Variants in PIEZO1 observed in about 807,000 individuals in gnomAD.
The protein encoded by PIEZO1 is piezo type mechanosensitive ion channel component 1 (Er blood group).
Under a neutral mutation model 297.2 loss-of-function variants are expected in PIEZO1, and 296 were observed. The ratio of observed to expected loss-of-function variants is 1.00; its 90% confidence interval spans 0.91 to 1.10. PIEZO1 has a LOEUF of 1.10. Ranked by LOEUF, PIEZO1 falls within the 50% of genes least tolerant of loss-of-function variation. The pLI is 0.00. For synonymous variants in PIEZO1, 2,427 were observed against 1,507.5 expected (o/e 1.61, Z -14.13); for missense variants, 5,018 against 3,455.5 (o/e 1.45, Z -11.34).
chr16:88,735,082 G>T, intron 13 of PIEZO1, 29 bp from the exon 14 acceptor site: 1 of 1,549,976 alleles, frequency 6.5e-7, no homozygotes, highest in Non-Finnish European at 8.7e-7. Context: ...GCAGGCGATG[G>T]CATCAGGGCG....
chr16:88,774,635 C>G (rs1907575380), intron 1 of PIEZO1, among the ~76,000 whole-genome samples: 2 of 152,142 alleles, frequency 1.3e-5, no homozygotes, highest in African/African-American at 2.4e-5. Flanking sequence ...AAAAGGAAGC[C>G]GGCAATCCCG....
In PIEZO1 at chr16:88,724,991, C is replaced by G. The variant is rs778887008; in HGVS notation, c.4234+18G>C. 7.0e-6 allele frequency: 10 copies of G among 1,438,796 alleles called. No homozygotes were observed. The highest frequency in any genetic ancestry group is 9.2e-6 in the Non-Finnish European group (10 of 1,089,640). The allele number at this position is 1,438,796 out of a possible 1,614,324, so 89.1% of individuals were successfully genotyped here. A position where few individuals can be genotyped will look rare whatever the true frequency, so the allele number is the denominator to read the frequency against. Reference sequence around the variant, plus strand: ...GAGGGCCTGAGAGGGTGGCCACAGGCGGCCTAATTGGGGGTACCTGTGGCG... The same window carrying G: ...GAGGGCCTGAGAGGGTGGCCACAGGGGGCCTAATTGGGGGTACCTGTGGCG... On this transcript the variant is annotated intron_variant, in intron 30 of 50. Transcript: ENST00000301015.
chr16:88,747,225 C>T (rs1906107599), intron 2 of PIEZO1, among the ~76,000 whole-genome samples: 1 of 149,890 alleles, frequency 6.7e-6, no homozygotes, highest in South Asian at 2.1e-4. Flanking sequence ...AGCAAGACCC[C>T]CACTCGAAAA....
At chr16:88,784,148 G>C (rs925192494) in intron 1 of PIEZO1, among the ~76,000 whole-genome samples, 1 of 152,222 alleles carries the variant, frequency 6.6e-6, no homozygotes, top group Non-Finnish European at 1.5e-5. Flanking sequence ...ACCACTGCCC[G>C]GCAAGCAGGG....
In PIEZO1 at chr16:88,721,225, C is replaced by T. The variant is rs573846907; in HGVS notation, c.5609G>A (p.Ser1870Asn). The T allele has an allele frequency of 3.9e-6, 6 of 1,538,274 alleles. No individual in the cohort carries two copies. The highest frequency in any genetic ancestry group is 2.7e-5 in the African/African-American group (2 of 72,948). Residue 1870 changes from serine (S) to asparagine (N), a missense_variant, in exon 39 of 51, where the codon AGT (serine) becomes AAT (asparagine). By Grantham distance (46) the Ser-to-Asn change is conservative (BLOSUM62 1). Coordinates refer to ENST00000301015, the MANE Select transcript of PIEZO1 (RefSeq NM_001142864.4). Reference sequence around the variant, plus strand: ...CTTCTTCCTTCTTCTAAAACGTAGACTGATGCGCCTCGTATCACGGGGCCT... The same window carrying T: ...CTTCTTCCTTCTTCTAAAACGTAGATTGATGCGCCTCGTATCACGGGGCCT... Reference protein sequence around the residue: ...ELRPRDTRRISLRFRRRKKEG... With the variant: ...ELRPRDTRRINLRFRRRKKEG...
chr16:88,755,960 G>A (rs1447101387), intron 1 of PIEZO1, among the ~76,000 whole-genome samples: 1 of 152,202 alleles, frequency 6.6e-6, no homozygotes, highest in Non-Finnish European at 1.5e-5. Context: ...TCGGAGCGGG[G>A]AGGGCGGGGG....
intron 2 of PIEZO1, chr16:88,743,954 G>T (rs185400072): frequency 3.5e-6 from 1 of 282,948 alleles, no homozygotes; most frequent in Admixed American, 4.6e-5. Context: ...ACACGAACAG[G>T]AGCCACCACC....
chr16:88,721,505 A>T (rs1473374546), intron 38 of PIEZO1, 33 bp downstream of exon 38: 2 of 1,540,244 alleles, frequency 1.3e-6, no homozygotes, highest in Admixed American at 4.0e-5. Flanking sequence ...GGGCCTGCCC[A>T]GCCCCGCATT....
At chr16:88,735,284 C>T (rs545498413) in intron 12 of PIEZO1, 38 bp from the exon 13 acceptor site, 3 of 1,410,606 alleles carry the variant, frequency 2.1e-6, no homozygotes, top group African/African-American at 2.9e-5. Flanking sequence ...AGCCGGGGGG[C>T]CCAGCACCCC....
chr16:88,761,419 A>T (rs1906926549), intron 1 of PIEZO1, among the ~76,000 whole-genome samples: 1 of 152,192 alleles, frequency 6.6e-6, no homozygotes, highest in South Asian at 2.1e-4. Context: ...AGTGACTTGC[A>T]GGGCACGATG....
chr16:88,732,802 C>G (rs371137397), intron 19 of PIEZO1, 70 bp from the exon 20 acceptor site: 2 of 1,410,580 alleles, frequency 1.4e-6, no homozygotes, highest in African/African-American at 2.9e-5. Flanking sequence ...CGGAGCCCAC[C>G]ACAGCCACAG....
rs1905419503 is a variant in PIEZO1 at position 88,738,593 on chromosome 16, C to T, written c.609G>A (p.Leu203=). 4.6e-6 allele frequency: 7 copies of T among 1,535,408 alleles called. No homozygotes were observed. The highest frequency in any genetic ancestry group is 1.7e-6 in the Non-Finnish European group (2 of 1,146,692). Residue 203 remains leucine, a synonymous_variant, in exon 6 of 51, where the codon CTG becomes CTA. Coordinates refer to ENST00000301015, the MANE Select transcript of PIEZO1 (RefSeq NM_001142864.4). The part of the protein sequence containing the change: ...HWLLVAAGRV[L]AVTLLALAGI... The stretch of plus-strand genomic sequence containing the variant: ...CTGCCAGTGCAAGCAGTGTTACGGC[C>T]AGGACCCGCCCAGCCGCCACCAGCA...
rs905035716 is a variant in PIEZO1 at position 88,734,730 on chromosome 16, C to T, written c.1917G>A (p.Leu639=). ...GGAAGGTGTAGACGGCGATGAGGAC[C>T]AGCATGGTGTAGGCCACCACGAGCC... is the stretch of plus-strand genomic sequence containing the variant. ...FWWLVVAYTM[L]VLIAVYTFQF... is the part of the protein sequence containing the mutation. Residue 639 remains leucine, a synonymous_variant, in exon 15 of 51, where the codon CTG becomes CTA. Transcript: ENST00000301015. 1 of 1,550,212 alleles carries T rather than the reference C, an allele frequency of 6.5e-7. No individual in the cohort carries two copies. Among genetic ancestry groups the T allele is most frequent in the East Asian group, 2.4e-5 (1 of 40,926 alleles).
At chr16:88,739,445 G>C (rs559185054) in intron 5 of PIEZO1, 2 of 152,264 alleles carry the variant, frequency 1.3e-5, no homozygotes, top group African/African-American at 4.8e-5. Context: ...TGGCCTGGCT[G>C]CCACCGGCCC....
rs1263385484 is a variant in PIEZO1 at position 88,720,337 on chromosome 16, G to A, written c.5949+48C>T. The A allele has an allele frequency of 2.6e-6, 4 of 1,549,818 alleles. 1 individual carries two copies. The South Asian group carries it at 3.6e-5, about 14-fold the overall frequency. ...GAGCCAAGCCCAGGGGATGTGGGTG[G>A]CTGCTGAGCTCTGCGTACACTGGGT... On this transcript the variant is annotated intron_variant, in intron 41 of 50. Transcript: ENST00000301015.
intron 1 of PIEZO1, among the ~76,000 whole-genome samples, chr16:88,750,700 C>T (rs1249177436): frequency 6.6e-6 from 1 of 152,234 alleles, no homozygotes; most frequent in Non-Finnish European, 1.5e-5. Context: ...TGAGGTTTGT[C>T]AGGAGATGAG....
intron 1 of PIEZO1, among the ~76,000 whole-genome samples, chr16:88,763,206 G>A (rs1037365681): frequency 1.1e-4 from 16 of 152,138 alleles, no homozygotes; most frequent in African/African-American, 2.4e-4. Context: ...GGCTCCTGGC[G>A]GCTCAGGGCA....
rs767828494 is a variant in PIEZO1 at position 88,742,090 on chromosome 16, G to A, written c.289C>T (p.Arg97Cys). ...ATGTGTCGCGAGAGGGTCTCCCAGC[G>A]GCTGCCTGCAGAGAAAGACGGGGGA... ...LDQLLGPSCS[R>C]WETLSRHIGV... Residue 97 changes from arginine (R) to cysteine (C), a missense_variant, in exon 4 of 51, where the codon CGC (arginine) becomes TGC (cysteine). Coordinates refer to ENST00000301015, the MANE Select transcript of PIEZO1 (RefSeq NM_001142864.4). 4.9e-5 allele frequency: 75 copies of A among 1,535,838 alleles called. No homozygotes were observed. Among genetic ancestry groups the A allele is most frequent in the Middle Eastern group, 1.7e-4 (1 of 6,010 alleles).
chr16:88,759,629 G>A (rs1906833749), intron 1 of PIEZO1, among the ~76,000 whole-genome samples: 1 of 152,222 alleles, frequency 6.6e-6, no homozygotes, highest in Non-Finnish European at 1.5e-5. Flanking sequence ...AGCCTGCTGG[G>A]CCTTCCCTGC....
Sources: allele counts gnomAD v4.1 joint callset (sites outside exome capture counted in the v4.1 genomes callset), GRCh38; gene constraint gnomAD v4.1.1; transcripts MANE v1.5; gene names NCBI Gene and HGNC (gene_info 2026-07-23, HGNC 2026-07-21).